VPS13C: variants seen among roughly 807,000 people sequenced by gnomAD.
VPS13C encodes intermembrane lipid transfer protein VPS13C.
Under a neutral mutation model 456.8 loss-of-function variants are expected in VPS13C, and 358 were observed. The ratio of observed to expected loss-of-function variants is 0.78; its 90% CI spans 0.72 to 0.86. VPS13C has a LOEUF of 0.86. Ranked by LOEUF, VPS13C falls within the 40% of genes least tolerant of loss-of-function variation. The probability of loss-of-function intolerance (pLI) is 0.00; values close to 1 mark genes in which losing one functional copy is unlikely to be tolerated. For synonymous variants in VPS13C, 1,578 were observed against 1,486.7 expected (o/e 1.06, Z -1.41); for missense variants, 4,818 against 4,385.4 (o/e 1.10, Z -2.79).
Position 61,922,507 on chromosome 15 carries a change from A to G in VPS13C, c.6865T>C (p.Cys2289Arg). The part of the protein sequence containing the change: ...VVESIQVTLE[C>R]GLGHRTVPLL... ...GGTACAGTTCGATGTCCAAGGCCAC[A>G]TTCTAAGGTAACTTGAATGGATTCT... Residue 2289 changes from cysteine to arginine, a missense_variant, in exon 54 of 85, where the codon TGT becomes CGT. Around this residue, in one of 3 missense-constraint regions of VPS13C, gnomAD observed 4,552 missense variants for 4,130.6 expected, o/e 1.10. Coordinates refer to ENST00000644861, the MANE Select transcript of VPS13C (RefSeq NM_020821.3). 6.2e-7 allele frequency: 1 copy of G among 1,614,136 alleles called. No individual in the cohort carries two copies. Among genetic ancestry groups the G allele is most frequent in the Non-Finnish European group, 8.5e-7 (1 of 1,179,968 alleles).
At chr15:61,914,674 C>A (rs901465454) in intron 61 of VPS13C, among the ~76,000 whole-genome samples, 2 of 151,164 alleles carry the variant, frequency 1.3e-5, no homozygotes, top group Non-Finnish European at 3.0e-5. Context: ...GATTCTCCTG[C>A]CTCAGCCACC....
At chr15:61,948,466 G>A (rs771427907) in intron 42 of VPS13C, among the ~76,000 whole-genome samples, 2 of 152,122 alleles carry the variant, frequency 1.3e-5, no homozygotes, top group Non-Finnish European at 2.9e-5. Context: ...TGGAGCACCT[G>A]AGGTCAGGAG....
intron 31 of VPS13C, 33 bp from the exon 32 acceptor site, chr15:61,963,984 G>C (rs745451467): frequency 7.3e-7 from 1 of 1,361,832 alleles, no homozygotes; most frequent in Non-Finnish European, 1.0e-6. Context: ...GTCACATGGT[G>C]AGATTCTAGT....
intron 10 of VPS13C, 72 bp downstream of exon 10, chr15:62,013,861 T>C (rs1223097365): frequency 1.7e-6 from 2 of 1,169,042 alleles, no homozygotes; most frequent in Non-Finnish European, 2.5e-6. Flanking sequence ...TTCTGCTCCA[T>C]CAATGTTTCT....
intron 5 of VPS13C, among the ~76,000 whole-genome samples, chr15:62,033,128 AC>A (rs775804916): frequency 3.6e-4 from 54 of 151,702 alleles, no homozygotes; most frequent in Non-Finnish European, 7.2e-4. Flanking sequence ...AAAGAAACTT[AC>A]CATTTGCCCA....
Position 61,974,363 on chromosome 15 carries a change from C to T in VPS13C, c.2463G>A (p.Lys821=). The change falls in exon 25 of 85, where the codon AAG becomes AAA. Residue 821 remains lysine, a synonymous_variant. Coordinates refer to ENST00000644861, the MANE Select transcript of VPS13C (RefSeq NM_020821.3). The part of the protein sequence containing the change: ...PLMHVRISDQ[K]MKDVLYLMNS... ...TCATCAAATATAGCACATCTTTCAT[C>T]TTCTGGTCAGAAATTCTCACATGCA... The T allele has an allele frequency of 6.2e-7, 1 of 1,612,724 alleles. No individual in the cohort carries two copies. The highest frequency in any genetic ancestry group is 8.5e-7 in the Non-Finnish European group (1 of 1,179,078).
In VPS13C at chr15:61,854,130, A is replaced by C; in HGVS notation, c.*327T>G. Reference sequence around the variant, plus strand: ...TAAGCTCATTTCTTATTCTTCAGTAAGGCTTTAATTAAATATAAGCCTATT... The same window carrying C: ...TAAGCTCATTTCTTATTCTTCAGTACGGCTTTAATTAAATATAAGCCTATT... On this transcript the variant is annotated 3_prime_UTR_variant, in exon 85 of 85. Coordinates refer to ENST00000644861, the MANE Select transcript of VPS13C (RefSeq NM_020821.3). The C allele has an allele frequency of 3.5e-6, 1 of 289,100 alleles. No individual in the cohort carries two copies. The highest frequency in any genetic ancestry group is 4.5e-5 in the Admixed American group (1 of 22,296). The allele number at this position is 289,100 out of a possible 1,614,324, so 17.9% of individuals were successfully genotyped here.
At chr15:62,037,839 C>G (rs754898684) in intron 3 of VPS13C, among the ~76,000 whole-genome samples, 4 of 151,998 alleles carry the variant, frequency 2.6e-5, no homozygotes, top group Admixed American at 6.6e-5. Context: ...AAAAAGATGA[C>G]ACATGCCTAA....
rs1038773156 is a variant in VPS13C, at chr15:61,928,966, A to T, written c.6286+535T>A. On this transcript the variant is annotated intron_variant, in intron 51 of 84. Transcript: ENST00000644861. ...GAAAGAAAAAAAAGGGAAAGAAAAT[A>T]AAGAAAATCACTGATCTACTGGATA... 7.2e-5 allele frequency among the ~76,000 whole-genome samples: 11 copies of T among 152,142 alleles called. 1 individual carries two copies. Among genetic ancestry groups the T allele is most frequent in the Non-Finnish European group, 1.6e-4 (11 of 68,012 alleles).
intron 24 of VPS13C, among the ~76,000 whole-genome samples, chr15:61,975,560 C>T (rs1406617305): frequency 1.3e-5 from 2 of 152,032 alleles, no homozygotes; most frequent in Non-Finnish European, 2.9e-5. Context: ...ACTCAAAACA[C>T]TTGGAACATA....
chr15:61,865,574 ATATGTGTGTATATG>A (rs1894489435), intron 81 of VPS13C: 1 of 691,852 alleles, frequency 1.4e-6, no homozygotes, highest in Non-Finnish European at 1.8e-6. Flanking sequence ...GTTTGCGTAT[ATATGTGTGTATATG>A]TGTGTGTATA....
At position 61,884,227 on chromosome 15, in the gene VPS13C, C is replaced by T. The variant is rs1490066794; in HGVS notation, c.9384G>A (p.Lys3128=). The T allele has an allele frequency of 3.7e-6, 6 of 1,610,474 alleles. No homozygotes were observed. In the South Asian group the frequency reaches 4.4e-5, roughly 12 times the overall value. The part of the protein sequence containing the change: ...VWEVKPKQKW[K]PFSQKQIILL... ...AGATTATCTGCTTTTGACTAAATGG[C>T]TTCCATTTCTGCTTTGGTTTCACCT... is the stretch of plus-strand genomic sequence containing the variant. Residue 3128 remains lysine (K), a synonymous_variant, in exon 68 of 85, where the codon AAG becomes AAA. Coordinates refer to ENST00000644861, the MANE Select transcript of VPS13C (RefSeq NM_020821.3).
intron 30 of VPS13C, among the ~76,000 whole-genome samples, chr15:61,965,310 T>C (rs1453262016): frequency 6.6e-6 from 1 of 151,886 alleles, no homozygotes; most frequent in Non-Finnish European, 1.5e-5. Flanking sequence ...AAAGGACAAT[T>C]ATGAATGGGT....
At position 62,050,933 on chromosome 15, in the gene VPS13C, CA is replaced by C. The variant is rs1045798366; in HGVS notation, c.101-6679del. ...ATGACATGAAGAGTTGGAGTCATCG[CA>C]AAAAAAAAAAAGTAGAAATAGTTGC... On this transcript the variant is annotated intron_variant, in intron 1 of 84. Coordinates refer to ENST00000644861, the MANE Select transcript of VPS13C (RefSeq NM_020821.3). Among the ~76,000 whole-genome samples the C allele has an allele frequency of 2.4e-3, 307 of 129,662 alleles. 1 individual carries two copies. Among genetic ancestry groups the C allele is most frequent in the African/African-American group, 4.9e-3 (171 of 35,092 alleles). 85.1% of individuals were successfully genotyped at this position (129,662 alleles called of 152,430 possible).
At chr15:61,928,182 T>C (rs956110437) in intron 51 of VPS13C, among the ~76,000 whole-genome samples, 1 of 152,056 alleles carries the variant, frequency 6.6e-6, no homozygotes, top group Admixed American at 6.6e-5. Context: ...CCCTAAAACT[T>C]AAAGTATAAT....
At chr15:61,942,144 T>A in intron 45 of VPS13C, 77 bp from the exon 46 acceptor site, 1 of 1,277,626 alleles carries the variant, frequency 7.8e-7, no homozygotes, top group Non-Finnish European at 1.1e-6. Flanking sequence ...GCATTTACTT[T>A]AAAAACTAAA....
chr15:61,898,407 A>G (rs369500690), intron 66 of VPS13C, among the ~76,000 whole-genome samples: 14 of 151,530 alleles, frequency 9.2e-5, no homozygotes, highest in South Asian at 4.2e-4. Context: ...GATGGAGGAA[A>G]ATCTACCAAG....
chr15:62,000,136 TG>T (rs2046556035), intron 16 of VPS13C, among the ~76,000 whole-genome samples: 1 of 151,736 alleles, frequency 6.6e-6, no homozygotes, highest in Non-Finnish European at 1.5e-5. Context: ...CCGAGGTGAG[TG>T]GATCACCTGA....
intron 41 of VPS13C, among the ~76,000 whole-genome samples, chr15:61,950,133 A>T (rs2044736689): frequency 6.6e-6 from 1 of 152,218 alleles, no homozygotes; most frequent in South Asian, 2.1e-4. Flanking sequence ...CTTGTCAAGA[A>T]ATCTAAGTCA....
Sources: gnomAD v4.1 joint callset for allele counts (sites outside exome capture counted in the v4.1 genomes callset) on GRCh38, gnomAD v4.1.1 for gene constraint, gnomAD v4.1.1 regional missense constraint, MANE v1.5 for transcripts, NCBI Gene and HGNC (gene_info 2026-07-23, HGNC 2026-07-21) for gene names.